The following THRB variants were observed in gnomAD, a reference collection of about 807,000 sequenced individuals.
THRB encodes the protein thyroid hormone receptor beta.
THRB carries 12 observed loss-of-function variants against 47.8 expected under a neutral mutation model. The ratio of observed to expected loss-of-function variants is 0.25; its 90% CI spans 0.16 to 0.41. The LOEUF (loss-of-function observed/expected upper bound fraction) is 0.41, where lower values mean the gene tolerates loss of function less well. Among genes scored for constraint, THRB ranks in the 10% least tolerant of loss-of-function variants. THRB has a pLI of 1.00. For synonymous variants in THRB, 218 were observed against 212.2 expected, an observed-to-expected ratio of 1.03 and a Z score of -0.24; for missense variants, 348 against 589.2, an observed-to-expected ratio of 0.59 and a Z score of 4.24.
chr3:24,444,063 A>G (rs1240510724), intron 1 of THRB, among the ~76,000 whole-genome samples: 1 of 152,152 alleles, frequency 6.6e-6, no homozygotes, highest in Admixed American at 6.5e-5. Flanking sequence ...TTAGGAATGC[A>G]AAAAAATTTC....
At chr3:24,339,646 C>T (rs539480137) in intron 1 of THRB, among the ~76,000 whole-genome samples, 21 of 152,190 alleles carry the variant, frequency 1.4e-4, no homozygotes, top group African/African-American at 4.6e-4. Context: ...CGAGAACAAA[C>T]CAAATTAGAG....
At chr3:24,358,400 A>C (rs1417419930) in intron 1 of THRB, among the ~76,000 whole-genome samples, 1 of 152,064 alleles carries the variant, frequency 6.6e-6, no homozygotes, top group East Asian at 1.9e-4. Context: ...TGGTACTTTA[A>C]TGGTTTGTTT....
chr3:24,241,491 T>C (rs9849581), intron 3 of THRB, among the ~76,000 whole-genome samples: 13,546 of 152,216 alleles, frequency 0.089, 745 homozygotes, highest in African/African-American at 0.15. Flanking sequence ...CTGCTCAACT[T>C]CCTCAGGCCT....
At chr3:24,323,944 G>A (rs765664118) in intron 2 of THRB, among the ~76,000 whole-genome samples, 3 of 152,150 alleles carry the variant, frequency 2.0e-5, no homozygotes, top group Admixed American at 6.5e-5. Flanking sequence ...AAGCAGTACT[G>A]TTATAAACCA....
intron 1 of THRB, among the ~76,000 whole-genome samples, chr3:24,358,249 G>C (rs974126799): frequency 4.6e-5 from 7 of 152,044 alleles, no homozygotes; most frequent in African/African-American, 1.7e-4. Context: ...ATCTGACTTT[G>C]TTGATGGCAT....
At chr3:24,241,993 A>G (rs2049569614) in intron 3 of THRB, among the ~76,000 whole-genome samples, 2 of 152,268 alleles carry the variant, frequency 1.3e-5, no homozygotes, top group East Asian at 1.9e-4. Flanking sequence ...CACACTGATC[A>G]GTGCATAGTA....
chr3:24,229,246 C>T (rs1237586630), intron 3 of THRB, among the ~76,000 whole-genome samples: 1 of 152,130 alleles, frequency 6.6e-6, no homozygotes. Flanking sequence ...ATCAAGCGCA[C>T]ATTTTTCCAT....
intron 5 of THRB, among the ~76,000 whole-genome samples, chr3:24,185,285 G>A (rs989931157): frequency 6.6e-6 from 1 of 152,180 alleles, no homozygotes; most frequent in African/African-American, 2.4e-5. Context: ...GGCATTAAAA[G>A]CTGGTTAAAA....
chr3:24,146,806 GTTC>G lies in THRB; in HGVS notation c.398_400del (p.Arg133del). ...GGATGGATGGAGATTTTTCTGAATG[GTTC>G]TTCTAAAGAAACCCTATATGAAAAA... is the stretch of plus-strand genomic sequence containing the variant. On this transcript the variant is annotated inframe_deletion, in exon 7 of 11. Coordinates refer to ENST00000646209, the MANE Select transcript of THRB (RefSeq NM_001354712.2). The G allele has an allele frequency of 6.2e-7, 1 of 1,613,912 alleles. No individual in the cohort carries two copies. Among genetic ancestry groups the G allele is most frequent in the Non-Finnish European group, 8.5e-7 (1 of 1,179,848 alleles).
chr3:24,378,673 G>A (rs1222572306), intron 1 of THRB, among the ~76,000 whole-genome samples: 1 of 152,078 alleles, frequency 6.6e-6, no homozygotes, highest in Non-Finnish European at 1.5e-5. Context: ...AGACACATGG[G>A]AGATGCCACA....
intron 1 of THRB, among the ~76,000 whole-genome samples, chr3:24,442,953 C>T (rs1289923959): frequency 6.6e-6 from 1 of 151,514 alleles, no homozygotes; most frequent in Non-Finnish European, 1.5e-5. Context: ...GAGGCCGAGG[C>T]GGGTGGATCA....
At chr3:24,180,000 T>A (rs1294547902) in intron 5 of THRB, among the ~76,000 whole-genome samples, 1 of 152,224 alleles carries the variant, frequency 6.6e-6, no homozygotes, top group Admixed American at 6.5e-5. Flanking sequence ...AAATATTAAG[T>A]GGGATGAACC....
chr3:24,435,073 G>C (rs2070805168), intron 1 of THRB, among the ~76,000 whole-genome samples: 1 of 152,122 alleles, frequency 6.6e-6, no homozygotes, highest in African/African-American at 2.4e-5. Flanking sequence ...AAAGAGGGAG[G>C]TGTTGAACTG....
At chr3:24,251,833 T>C (rs2050701448) in intron 3 of THRB, among the ~76,000 whole-genome samples, 1 of 152,062 alleles carries the variant, frequency 6.6e-6, no homozygotes, top group South Asian at 2.1e-4. Flanking sequence ...ATAATTCTGA[T>C]ACCAAAAATT....
intron 3 of THRB, among the ~76,000 whole-genome samples, chr3:24,287,553 C>A (rs2150934834): frequency 6.6e-6 from 1 of 152,252 alleles, no homozygotes; most frequent in African/African-American, 2.4e-5. Context: ...ATTCTGATAT[C>A]CTGAAAAATG....
intron 1 of THRB, among the ~76,000 whole-genome samples, chr3:24,414,341 A>C (rs1434566241): frequency 1.3e-5 from 2 of 151,944 alleles, no homozygotes; most frequent in Non-Finnish European, 2.9e-5. Context: ...AATTCGGCAG[A>C]AGCCCAAAGT....
chr3:24,454,320 C>T (rs2072960730), intron 1 of THRB, among the ~76,000 whole-genome samples: 1 of 152,068 alleles, frequency 6.6e-6, no homozygotes, highest in African/African-American at 2.4e-5. Context: ...ATTCATAATT[C>T]ATACAGACAG....
chr3:24,255,802 AGATTT>A (rs2051211125), intron 3 of THRB, among the ~76,000 whole-genome samples: 1 of 152,244 alleles, frequency 6.6e-6, no homozygotes, highest in Non-Finnish European at 1.5e-5. Flanking sequence ...GCCATAGACA[AGATTT>A]TATATTTATC....
chr3:24,472,743 A>T (rs1694891885), intron 1 of THRB, among the ~76,000 whole-genome samples: 1 of 152,196 alleles, frequency 6.6e-6, no homozygotes, highest in Non-Finnish European at 1.5e-5. Flanking sequence ...AATGGAAGGG[A>T]ACACTATTCA....
Sources: gnomAD v4.1 joint callset for allele counts (sites outside exome capture counted in the v4.1 genomes callset) on GRCh38, gnomAD v4.1.1 for gene constraint, MANE v1.5 for transcripts, NCBI Gene and HGNC (gene_info 2026-07-23, HGNC 2026-07-21) for gene names.